MAN2C1: variants seen among roughly 807,000 people sequenced by gnomAD.
MAN2C1 encodes the protein alpha-mannosidase 2C1.
In MAN2C1, 111 loss-of-function variants were observed where a neutral mutation model predicts 126.9. The ratio of observed to expected loss-of-function variants is 0.87; its 90% CI spans 0.75 to 1.02. MAN2C1 has a LOEUF of 1.02. MAN2C1 is among the 50% of genes least tolerant of loss of function. The probability of loss-of-function intolerance (pLI) is 0.00; values close to 1 mark genes in which losing one functional copy is unlikely to be tolerated. For synonymous variants in MAN2C1, 567 were observed against 561.5 expected (o/e 1.01, Z -0.14); for missense variants, 1,363 against 1,364.4 (o/e 1.00, Z 0.02).
At chr15:75,357,911 G>A (rs1002148166) in intron 21 of MAN2C1, 8 of 351,172 alleles carry the variant, frequency 2.3e-5, no homozygotes, top group Admixed American at 1.9e-4. Context: ...GAGTCACCAC[G>A]CCCGGCCCAA....
chr15:75,357,230 G>A (rs548363794), intron 21 of MAN2C1: 22 of 233,850 alleles, frequency 9.4e-5, no homozygotes, highest in African/African-American at 5.0e-4. Context: ...TGCAACCTCC[G>A]CCCTCCAGGA....
chr15:75,356,364 G>A lies in MAN2C1; in HGVS notation c.2823C>T (p.Pro941=), dbSNP rs760251693. ...LLALPAPSPA[P]ATSWSAFSVS... Reference sequence around the variant, plus strand: ...CGGAAAACGCACTCCAGGAGGTGGCGGGCGCTGGGCTGGGGGCTGGCAGAG... The same window carrying A: ...CGGAAAACGCACTCCAGGAGGTGGCAGGCGCTGGGCTGGGGGCTGGCAGAG... Residue 941 remains proline, a synonymous_variant, in exon 24 of 26, where the codon CCC becomes CCT. Transcript: ENST00000267978. This position sits in a 1 kb window ranked among gnomAD's most constrained non-coding sequence, Gnocchi z 5.8. 37 of 1,611,756 alleles carry A rather than the reference G, an allele frequency of 2.3e-5. No homozygotes were observed. Among genetic ancestry groups the A allele is most frequent in the Non-Finnish European group, 2.6e-5 (31 of 1,179,254 alleles).
chr15:75,364,112 G>A lies in MAN2C1; in HGVS notation c.677C>T (p.Ala226Val). Residue 226 changes from alanine to valine, a missense_variant, in exon 6 of 26, where the codon GCC becomes GTC. This residue lies in a region of MAN2C1 where 628 missense variants were observed against 609.8 expected (regional missense o/e 1.03). Transcript: ENST00000267978. ...ANQMVNVCDP[A>V]QPETFPVAQA... ...GGCCACTGGGAAGGTCTCGGGCTGGGCAGGGTCACACACGTTCACCATCTG... is the reference window on the plus strand; with the variant it reads ...GGCCACTGGGAAGGTCTCGGGCTGGACAGGGTCACACACGTTCACCATCTG... The A allele has an allele frequency of 6.2e-7, 1 of 1,614,224 alleles. No individual in the cohort carries two copies. The highest frequency in any genetic ancestry group is 8.5e-7 in the Non-Finnish European group (1 of 1,180,042).
At chr15:75,366,151 C>T (rs930106822) in intron 4 of MAN2C1, 3 of 319,592 alleles carry the variant, frequency 9.4e-6, no homozygotes, top group African/African-American at 2.2e-5. Flanking sequence ...AGTGGAATAA[C>T]GGTAGTTATT....
chr15:75,361,082 C>G lies in MAN2C1; in HGVS notation c.1424G>C (p.Arg475Pro). 6.2e-7 allele frequency: 1 copy of G among 1,611,934 alleles called. No individual in the cohort carries two copies. Residue 475 changes from arginine to proline, a missense_variant, in exon 12 of 26, where the codon CGC (arginine) becomes CCC (proline). Arg to Pro is a moderately radical substitution (Grantham distance 103). Coordinates refer to ENST00000267978, the MANE Select transcript of MAN2C1 (RefSeq NM_006715.4). The surrounding 1 kb of genome is among the most constrained non-coding windows in gnomAD (Gnocchi z 5.0). ...GGGPTQTMLD[R>P]LKRLSNTDGL... Reference sequence around the variant, plus strand: ...ATCCGTATTGCTCAGGCGCTTCAGGCGGTCCAGCATGGTCTGGGTGGGGCC... The same window carrying G: ...ATCCGTATTGCTCAGGCGCTTCAGGGGGTCCAGCATGGTCTGGGTGGGGCC...
At chr15:75,357,029 G>A in intron 21 of MAN2C1, 127 bp from the exon 22 acceptor site, 1 of 728,684 alleles carries the variant, frequency 1.4e-6, no homozygotes, top group South Asian at 1.8e-5. Context: ...AGCTCCCACT[G>A]TACGGGGCCC....
intron 6 of MAN2C1, chr15:75,363,239 T>C (rs1477981663): frequency 4.4e-6 from 2 of 456,244 alleles, no homozygotes; most frequent in East Asian, 1.4e-4. Context: ...GAGAAAGCCC[T>C]TGTTCTGTGA....
At position 75,358,231 on chromosome 15, in the gene MAN2C1, G is replaced by A. The variant is rs749312406; in HGVS notation, c.2517C>T (p.Tyr839=). ...ATCGAGCCCAGTCCCAAGAGGTATT[G>A]TAGTGGGTAGGTCGCTGCAGGTGCC... ...QFGHLQRPTH[Y]NTSWDWARFE... is the part of the protein sequence containing the mutation. The change falls in exon 21 of 26, where the codon TAC becomes TAT. Residue 839 remains tyrosine (Y), a synonymous_variant. Transcript: ENST00000267978. The A allele has an allele frequency of 2.5e-6, 4 of 1,614,222 alleles. No individual in the cohort carries two copies. Among genetic ancestry groups the A allele is most frequent in the South Asian group, 2.2e-5 (2 of 91,088 alleles).
Position 75,368,063 on chromosome 15 carries a change from C to A in MAN2C1, c.227+10G>T, listed in dbSNP as rs748079040. On this transcript the variant is annotated intron_variant, in intron 2 of 25. Coordinates refer to ENST00000267978, the MANE Select transcript of MAN2C1 (RefSeq NM_006715.4). Reference sequence around the variant, plus strand: ...CCTGTGGCCCCGCCCACCCGCTGGGCGTTACCTACGTGGGTCCGAAGCTGT... The same window carrying A: ...CCTGTGGCCCCGCCCACCCGCTGGGAGTTACCTACGTGGGTCCGAAGCTGT... 6.2e-7 allele frequency: 1 copy of A among 1,601,506 alleles called. No individual in the cohort carries two copies. Among genetic ancestry groups the A allele is most frequent in the South Asian group, 1.1e-5 (1 of 89,512 alleles).
chr15:75,358,767 A>G lies in MAN2C1; in HGVS notation c.2183T>C (p.Leu728Pro). ...AEGAVGNQFV[L>P]FDDVPLYWDA... ...CCAGTACAAGGGGACATCATCAAAT[A>G]GCACAAACTGGTTCCCCACGGCGCC... The change falls in exon 19 of 26, where the codon CTA becomes CCA. Residue 728 changes from leucine (L) to proline (P), a missense_variant. Transcript: ENST00000267978. 6.2e-6 allele frequency: 10 copies of G among 1,613,930 alleles called. No homozygotes were observed. Among genetic ancestry groups the G allele is most frequent in the Non-Finnish European group, 8.5e-6 (10 of 1,179,968 alleles).
intron 6 of MAN2C1, 139 bp downstream of exon 6, chr15:75,363,860 G>A: frequency 1.1e-6 from 1 of 885,346 alleles, no homozygotes; most frequent in Non-Finnish European, 1.7e-6. Flanking sequence ...CAGCCCCCCG[G>A]CCCCGTTTTA....
rs373115647 is a variant in MAN2C1 at position 75,356,848 on chromosome 15, G to A, written c.2602C>T (p.Leu868Phe). The change falls in exon 22 of 26, where the codon CTC (leucine) becomes TTC (phenylalanine). Residue 868 changes from leucine to phenylalanine, a missense_variant. Physicochemically the swap from Leu to Phe is conservative, Grantham distance 22. Around this residue, in one of 3 missense-constraint regions of MAN2C1, gnomAD observed 668 missense variants for 650.1 expected, o/e 1.03. Transcript: ENST00000267978. The surrounding 1 kb of genome is among the most constrained non-coding windows in gnomAD (Gnocchi z 5.8). ...LSEHGFGLAL[L>F]NDCKYGASVR... ...GACGCGCCATACTTGCAGTCGTTGA[G>A]CAGGGCCAGCCCAAAGCCGTGTTCT... is the stretch of plus-strand genomic sequence containing the variant. 210 of 1,614,042 alleles carry A rather than the reference G, an allele frequency of 1.3e-4. No homozygotes were observed. The highest frequency in any genetic ancestry group is 1.7e-4 in the Non-Finnish European group (202 of 1,180,056).
At chr15:75,358,977 G>T in intron 18 of MAN2C1, 82 bp downstream of exon 18, 1 of 1,574,386 alleles carries the variant, frequency 6.4e-7, no homozygotes, top group Non-Finnish European at 8.7e-7. Context: ...GCTGCTGTGG[G>T]CAGTGTTGTG....
In MAN2C1 at chr15:75,355,932, G is replaced by A. The variant is rs753878575; in HGVS notation, c.3097C>T (p.Leu1033Phe). The stretch of plus-strand genomic sequence containing the variant: ...CAGTGTGGCGGAGGCTGAAGCACGA[G>A]CAACAGGGACAGCACTTGGAAGGGA... Reference protein sequence around the residue: ...FSPFQVLSLLLVLQPPPH With the variant: ...FSPFQVLSLLFVLQPPPH The change falls in exon 26 of 26, where the codon CTC (leucine) becomes TTC (phenylalanine). Residue 1033 changes from leucine (L) to phenylalanine (F), a missense_variant. Around this residue, in one of 3 missense-constraint regions of MAN2C1, gnomAD observed 668 missense variants for 650.1 expected, o/e 1.03. Transcript: ENST00000267978. 3 of 1,614,206 alleles carry A rather than the reference G, an allele frequency of 1.9e-6. No homozygotes were observed. Among genetic ancestry groups the A allele is most frequent in the Non-Finnish European group, 2.5e-6 (3 of 1,180,034 alleles).
At chr15:75,364,328 C>T in intron 5 of MAN2C1, 140 bp from the exon 6 acceptor site, 2 of 1,236,868 alleles carry the variant, frequency 1.6e-6, no homozygotes, top group South Asian at 1.6e-5. Flanking sequence ...AGCACCGTCT[C>T]CCTCCTCCCC....
rs78897298 is a variant in MAN2C1, at chr15:75,362,574, C to T, written c.897+68G>A. 2,526 of 1,561,862 alleles carry T rather than the reference C, an allele frequency of 1.6e-3. 32 individuals are homozygous for T. In the African/African-American group the frequency reaches 0.028, roughly 18 times the overall value. On this transcript the variant is annotated intron_variant, in intron 7 of 25. Transcript: ENST00000267978. The surrounding 1 kb of genome is among the most constrained non-coding windows in gnomAD (Gnocchi z 4.5). The stretch of plus-strand genomic sequence containing the variant: ...AGCCCTGACCCCAGGCCTGGGAAGC[C>T]TTCAGGGCCTGTGGAGCTCCAGGGA...
intron 21 of MAN2C1, chr15:75,357,117 C>G (rs2072339252): frequency 7.0e-6 from 4 of 573,532 alleles, no homozygotes; most frequent in Non-Finnish European, 1.2e-5. Context: ...CTCACCCCAT[C>G]GAATGATCAT....
Position 75,358,181 on chromosome 15 carries a change from C to G in MAN2C1, c.2547+20G>C. 6.2e-7 allele frequency: 1 copy of G among 1,613,812 alleles called. No individual in the cohort carries two copies. The highest frequency in any genetic ancestry group is 8.5e-7 in the Non-Finnish European group (1 of 1,179,874). ...AGCCAGGGAGGAGTCCAAGGCCACT[C>G]CCACCCTGCCATGTCAGACCTCAAA... On this transcript the variant is annotated intron_variant, in intron 21 of 25. Transcript: ENST00000267978.
In MAN2C1 at chr15:75,367,588, A is replaced by G; in HGVS notation, c.274T>C (p.Trp92Arg). ...FRVELTIPEA[W>R]VGQEVHLCWE... The stretch of plus-strand genomic sequence containing the variant: ...CAAAGGTGAACTTCCTGGCCCACCC[A>G]TGCCTCTGGGATGGTCAGCTCCACC... Residue 92 changes from tryptophan to arginine, a missense_variant, in exon 3 of 26, where the codon TGG (tryptophan) becomes CGG (arginine). Coordinates refer to ENST00000267978, the MANE Select transcript of MAN2C1 (RefSeq NM_006715.4). 6.2e-7 allele frequency: 1 copy of G among 1,614,196 alleles called. No individual in the cohort carries two copies. Among genetic ancestry groups the G allele is most frequent in the Non-Finnish European group, 8.5e-7 (1 of 1,180,024 alleles).
Sources: gnomAD v4.1 joint callset for allele counts on GRCh38, gnomAD v4.1.1 for gene constraint, gnomAD v4.1.1 regional missense constraint, Gnocchi (gnomAD v3.1) non-coding constraint, MANE v1.5 for transcripts, NCBI Gene and HGNC (gene_info 2026-07-23, HGNC 2026-07-21) for gene names.